The following GRID2 variants were observed in gnomAD, a reference collection of about 807,000 sequenced individuals.
GRID2 encodes glutamate receptor ionotropic, delta-2.
A neutral mutation model predicts 114.8 loss-of-function variants in GRID2; 33 were observed. That is an observed-to-expected ratio of 0.29 (90% CI 0.22 to 0.38). The LOEUF (loss-of-function observed/expected upper bound fraction) is 0.38. Among genes scored for constraint, GRID2 ranks in the 10% least tolerant of loss-of-function variants. The probability of loss-of-function intolerance (pLI) is 1.00; values close to 1 mark genes in which losing one functional copy is unlikely to be tolerated. For synonymous variants in GRID2, 505 were observed against 449.9 expected (o/e 1.12, Z -1.55); for missense variants, 1,184 against 1,257.7 (o/e 0.94, Z 0.89).
chr4:93,158,740 G>A lies in GRID2; in HGVS notation c.735+47787G>A, dbSNP rs117115584. Among the ~76,000 whole-genome samples the A allele has an allele frequency of 3.0e-4, 46 of 151,828 alleles. 4 individuals carry two copies. In the East Asian group the frequency reaches 8.9e-3, roughly 29 times the overall value. On this transcript the variant is annotated intron_variant, in intron 4 of 15. Coordinates refer to ENST00000282020, the MANE Select transcript of GRID2 (RefSeq NM_001510.4). ...ACTCCAGCTGTCTTTGACAGAATGT[G>A]GAATATGTGTAGATTATTCTATGAA...
At chr4:92,482,019 TATATATATATATATAA>T (rs1215639111) in intron 1 of GRID2, among the ~76,000 whole-genome samples, 964 of 66,776 alleles carry the variant, frequency 0.014, 40 homozygotes, top group African/African-American at 0.044. Flanking sequence ...TATATATATA[TATATATATATATATAA>T]AATAACAATA....
At chr4:93,616,232 A>T (rs1000666973) in intron 13 of GRID2, among the ~76,000 whole-genome samples, 1 of 152,050 alleles carries the variant, frequency 6.6e-6, no homozygotes, top group Non-Finnish European at 1.5e-5. Context: ...AGATCTTTTA[A>T]TTTTCTTAGA....
At chr4:93,461,054 A>G (rs1485223023) in intron 11 of GRID2, among the ~76,000 whole-genome samples, 3 of 152,174 alleles carry the variant, frequency 2.0e-5, no homozygotes, top group East Asian at 3.9e-4. Flanking sequence ...TATGGTTAGC[A>G]TGCTTTTCTA....
At chr4:93,751,858 G>A (rs903091188) in intron 14 of GRID2, among the ~76,000 whole-genome samples, 10 of 151,998 alleles carry the variant, frequency 6.6e-5, no homozygotes, top group Non-Finnish European at 1.2e-4. Context: ...ATTCCTTGCC[G>A]CCTCCTTATT....
At position 92,896,563 on chromosome 4, in the gene GRID2, T is replaced by G. The variant is rs1413600286; in HGVS notation, c.245-188432T>G. On this transcript the variant is annotated intron_variant, in intron 2 of 15. Transcript: ENST00000282020. ...TTACCATATTTTATAATATTATATA[T>G]ATATATATATAGTCAATTGAAAAAC... Among the ~76,000 whole-genome samples, 4 of 150,650 alleles carry G rather than the reference T, an allele frequency of 2.7e-5. No homozygotes were observed. In the East Asian group the frequency reaches 7.7e-4, roughly 29 times the overall value.
chr4:93,458,851 GAGA>G (rs1723446521), intron 11 of GRID2, among the ~76,000 whole-genome samples: 1 of 152,100 alleles, frequency 6.6e-6, no homozygotes, highest in Non-Finnish European at 1.5e-5. Flanking sequence ...GAACTAGAAA[GAGA>G]AGGACCAAGA....
chr4:92,946,493 C>T (rs2087209934), intron 2 of GRID2, among the ~76,000 whole-genome samples: 1 of 151,844 alleles, frequency 6.6e-6, no homozygotes. Flanking sequence ...CCTTTTCTTC[C>T]CCCCCAAAAT....
intron 2 of GRID2, among the ~76,000 whole-genome samples, chr4:92,958,229 G>T (rs528300138): frequency 6.6e-6 from 1 of 152,090 alleles, no homozygotes; most frequent in South Asian, 2.1e-4. Flanking sequence ...CCTGATCTTA[G>T]TTAGAAAGCT....
intron 1 of GRID2, among the ~76,000 whole-genome samples, chr4:92,585,596 G>C (rs1296039835): frequency 6.6e-6 from 1 of 151,906 alleles, no homozygotes; most frequent in Admixed American, 6.6e-5. Context: ...TGATAAGGTT[G>C]TTATAGAATA....
chr4:92,727,254 A>T (rs1380711734), intron 2 of GRID2, among the ~76,000 whole-genome samples: 1 of 152,082 alleles, frequency 6.6e-6, no homozygotes, highest in African/African-American at 2.4e-5. Flanking sequence ...AATTTACAAA[A>T]TGGTGTTTTA....
In GRID2 at chr4:93,371,771, G is replaced by A. The variant is rs1305735396; in HGVS notation, c.1246-23836G>A. Among the ~76,000 whole-genome samples, 5 of 102,384 alleles carry A rather than the reference G, an allele frequency of 4.9e-5. No individual in the cohort carries two copies. The East Asian group carries it at 8.8e-4, about 18-fold the overall frequency. The allele number at this position is 102,384 out of a possible 152,430, so 67.2% of individuals were successfully genotyped here. A position where few individuals can be genotyped will look rare whatever the true frequency, so the allele number is the denominator to read the frequency against. ...TTTTTTTTTTTTTTTTTTTGGAGAT[G>A]GAGTCTTGCTGTGTTGCCCAGGCTG... On this transcript the variant is annotated intron_variant, in intron 8 of 15. Coordinates refer to ENST00000282020, the MANE Select transcript of GRID2 (RefSeq NM_001510.4).
At chr4:93,628,347 T>G (rs556806828) in intron 14 of GRID2, among the ~76,000 whole-genome samples, 1 of 152,102 alleles carries the variant, frequency 6.6e-6, no homozygotes, top group Admixed American at 6.6e-5. Flanking sequence ...TTGATATATA[T>G]GTATATAATA....
At chr4:93,079,349 A>G (rs1321506544) in intron 2 of GRID2, among the ~76,000 whole-genome samples, 2 of 151,940 alleles carry the variant, frequency 1.3e-5, no homozygotes, top group African/African-American at 2.4e-5. Flanking sequence ...ATACCAAACT[A>G]AAAATTTTTT....
chr4:92,361,043 T>G (rs1427112854), intron 1 of GRID2, among the ~76,000 whole-genome samples: 1 of 152,032 alleles, frequency 6.6e-6, no homozygotes, highest in Non-Finnish European at 1.5e-5. Flanking sequence ...TTATTTTTAT[T>G]TATTGTTTAC....
chr4:93,794,547 T>C (rs1734757939), intron 1 of GRID2, among the ~76,000 whole-genome samples: 1 of 152,094 alleles, frequency 6.6e-6, no homozygotes, highest in African/African-American at 2.4e-5. Flanking sequence ...TTGGAGTTTA[T>C]TTATGCCCGA....
chr4:92,724,694 C>T (rs912533338), intron 2 of GRID2, among the ~76,000 whole-genome samples: 1 of 152,030 alleles, frequency 6.6e-6, no homozygotes, highest in Non-Finnish European at 1.5e-5. Flanking sequence ...ACCTCATGTG[C>T]CTCAATTTTC....
At chr4:92,729,415 C>A (rs1736223096) in intron 2 of GRID2, among the ~76,000 whole-genome samples, 1 of 151,854 alleles carries the variant, frequency 6.6e-6, no homozygotes, top group African/African-American at 2.4e-5. Context: ...ATGTTCACCA[C>A]CCTTACTTTT....
At position 93,161,199 on chromosome 4, in the gene GRID2, C is replaced by T. The variant is rs78789755; in HGVS notation, c.736-46205C>T. ...GGAACAGTACATATATTTGCAATGA[C>T]AGAGAAAGGGAAAGAGAGAGATTCT... On this transcript the variant is annotated intron_variant, in intron 4 of 15. Transcript: ENST00000282020. Among the ~76,000 whole-genome samples, 651 of 151,928 alleles carry T rather than the reference C, an allele frequency of 4.3e-3. 9 individuals are homozygous for T. Among genetic ancestry groups the T allele is most frequent in the African/African-American group, 0.015 (628 of 41,496 alleles).
At chr4:92,972,256 T>A (rs1753570645) in intron 2 of GRID2, among the ~76,000 whole-genome samples, 1 of 151,892 alleles carries the variant, frequency 6.6e-6, no homozygotes, top group African/African-American at 2.4e-5. Flanking sequence ...GGTGAGATGA[T>A]ATCTCATTAT....
Sources: allele counts gnomAD v4.1 joint callset (sites outside exome capture counted in the v4.1 genomes callset), GRCh38; gene constraint gnomAD v4.1.1; transcripts MANE v1.5; gene names NCBI Gene and HGNC (gene_info 2026-07-23, HGNC 2026-07-21).